C11orf65: variants seen among roughly 807,000 people sequenced by gnomAD.
C11orf65 encodes protein MFI.
A neutral mutation model predicts 35.3 loss-of-function variants in C11orf65; 38 were observed. The ratio of observed to expected loss-of-function variants is 1.08; its 90% CI spans 0.83 to 1.41. The LOEUF is 1.41. Ranked by LOEUF, C11orf65 falls within the 40% of genes most tolerant of loss-of-function variation. The pLI is 0.00. For missense variants in C11orf65, 370 were observed against 367.1 expected, an observed-to-expected ratio of 1.01 and a Z score of -0.06; for synonymous variants, 105 against 114.4, an observed-to-expected ratio of 0.92 and a Z score of 0.53.
At chr11:108,369,867 T>A (rs1282782548) in intron 2 of C11orf65, among the ~76,000 whole-genome samples, 1 of 152,202 alleles carries the variant, frequency 6.6e-6, no homozygotes, top group East Asian at 1.9e-4. Context: ...ACTAGGGAGA[T>A]TAAATGTTTT....
chr11:108,410,460 C>T (rs532648300), intron 3 of C11orf65, among the ~76,000 whole-genome samples: 4 of 152,248 alleles, frequency 2.6e-5, no homozygotes, highest in African/African-American at 9.6e-5. Context: ...CTCAACTGAT[C>T]CTTCTACCTA....
At position 108,320,025 on chromosome 11, in the gene C11orf65, T is replaced by G. The variant is rs1297621371; in HGVS notation, c.641-10954A>C. On this transcript the variant is annotated intron_variant, in intron 6 of 6. Coordinates refer to the C11orf65 transcript ENST00000525729. ...CTACAATCTCTAAGAGACAGAGAAT[T>G]CTCTACATTTTATGAAAGTCTCAAA... 6.2e-7 allele frequency: 1 copy of G among 1,610,026 alleles called. No homozygotes were observed. Among genetic ancestry groups the G allele is most frequent in the South Asian group, 1.1e-5 (1 of 90,996 alleles).
At chr11:108,439,123 T>C (rs2093111379) in intron 2 of C11orf65, among the ~76,000 whole-genome samples, 1 of 152,174 alleles carries the variant, frequency 6.6e-6, no homozygotes, top group African/African-American at 2.4e-5. Flanking sequence ...AAAGAACTGC[T>C]ACATCTCAAC....
intron 2 of C11orf65, among the ~76,000 whole-genome samples, chr11:108,449,474 T>C (rs1275693563): frequency 3.3e-5 from 5 of 151,906 alleles, no homozygotes; most frequent in African/African-American, 1.2e-4. Context: ...TCCTCAGAAA[T>C]AATGCCGCAT....
downstream of C11orf65, among the ~76,000 whole-genome samples, chr11:108,328,624 A>G (rs1403443842): frequency 6.6e-6 from 1 of 152,100 alleles, no homozygotes; most frequent in Non-Finnish European, 1.5e-5. Context: ...TTATTTCTAC[A>G]CTGTCAAAGT....
chr11:108,400,729 T>TA (rs1380999997), intron 6 of C11orf65, among the ~76,000 whole-genome samples: 1 of 152,098 alleles, frequency 6.6e-6, no homozygotes, highest in Non-Finnish European at 1.5e-5. Context: ...CCCAGTGAAC[T>TA]AAAGGAACCA....
intron 2 of C11orf65, among the ~76,000 whole-genome samples, chr11:108,446,546 A>G (rs893527829): frequency 5.9e-5 from 9 of 151,968 alleles, no homozygotes; most frequent in Non-Finnish European, 1.2e-4. Flanking sequence ...TTCATCAGTG[A>G]AGGAGAAATA....
At chr11:108,311,574 T>G (rs1428409045) in intron 6 of C11orf65, among the ~76,000 whole-genome samples, 1 of 151,972 alleles carries the variant, frequency 6.6e-6, no homozygotes, top group Non-Finnish European at 1.5e-5. Context: ...GGCCTGCACA[T>G]GTAGTCCCAG....
At chr11:108,403,721 A>G (rs1370540537) in intron 6 of C11orf65, among the ~76,000 whole-genome samples, 1 of 152,220 alleles carries the variant, frequency 6.6e-6, no homozygotes. Context: ...ATTTTTCTGC[A>G]TTTGAAAATC....
chr11:108,315,870 G>C (rs2136119917), intron 6 of C11orf65: 1 of 1,613,340 alleles, frequency 6.2e-7, no homozygotes. Flanking sequence ...CAGATAGTTT[G>C]TATGGCTGTG....
intron 2 of C11orf65, among the ~76,000 whole-genome samples, chr11:108,371,551 T>G (rs1315292018): frequency 6.6e-6 from 1 of 152,192 alleles, no homozygotes; most frequent in Non-Finnish European, 1.5e-5. Context: ...TATGTTGTAA[T>G]ATATTGCAGA....
chr11:108,354,732 C>A (rs2089670929), intron 2 of C11orf65: 1 of 1,207,052 alleles, frequency 8.3e-7, no homozygotes, highest in Non-Finnish European at 1.2e-6. Context: ...GCATACTACA[C>A]ATGAGAGTAT....
chr11:108,454,717 C>T lies in C11orf65; in HGVS notation c.81+6762G>A, dbSNP rs1286862973. ...TAAAGTGATCTTTCTGCCTCAGTCT[C>T]CCAGGTAGCTGAGACTACAGACGTG... is the stretch of plus-strand genomic sequence containing the variant. On this transcript the variant is annotated intron_variant, in intron 2 of 8. Transcript: ENST00000393084. Among the ~76,000 whole-genome samples the T allele has an allele frequency of 4.6e-5, 7 of 152,028 alleles. No individual in the cohort carries two copies. In the East Asian group the frequency reaches 7.7e-4, roughly 17 times the overall value.
chr11:108,460,017 C>A (rs1383505435), intron 2 of C11orf65, among the ~76,000 whole-genome samples: 3 of 152,088 alleles, frequency 2.0e-5, no homozygotes, highest in African/African-American at 7.2e-5. Context: ...GGCTATAGGG[C>A]AAGTTACTTG....
chr11:108,346,812 C>T (rs2088474270), intron 2 of C11orf65, among the ~76,000 whole-genome samples: 1 of 151,926 alleles, frequency 6.6e-6, no homozygotes, highest in African/African-American at 2.4e-5. Flanking sequence ...GGGATACACA[C>T]CTGGTGAAAT....
chr11:108,383,418 G>A (rs1201348003), intron 8 of C11orf65, among the ~76,000 whole-genome samples: 1 of 152,166 alleles, frequency 6.6e-6, no homozygotes, highest in African/African-American at 2.4e-5. Flanking sequence ...CTAATAACTA[G>A]CTGTGTAATT....
At chr11:108,465,055 T>C (rs2093518327) in intron 1 of C11orf65, among the ~76,000 whole-genome samples, 1 of 152,230 alleles carries the variant, frequency 6.6e-6, no homozygotes, top group Non-Finnish European at 1.5e-5. Context: ...GTGAGATTTT[T>C]TACCTGTTAT....
intron 3 of C11orf65, among the ~76,000 whole-genome samples, chr11:108,421,151 C>T (rs997097807): frequency 3.9e-5 from 6 of 152,148 alleles, no homozygotes; most frequent in African/African-American, 1.2e-4. Flanking sequence ...TTTGTTCAGA[C>T]ATGTCCATGT....
At chr11:108,398,199 C>A (rs1286727559) in intron 6 of C11orf65, among the ~76,000 whole-genome samples, 1 of 151,894 alleles carries the variant, frequency 6.6e-6, no homozygotes, top group Non-Finnish European at 1.5e-5. Context: ...GACGAAGGGA[C>A]TAGAGACCAG....
Sources: allele counts gnomAD v4.1 joint callset (sites outside exome capture counted in the v4.1 genomes callset), GRCh38; gene constraint gnomAD v4.1.1; transcripts MANE v1.5; gene names NCBI Gene and HGNC (gene_info 2026-07-23, HGNC 2026-07-21).